The following EYS variants were observed in gnomAD, a reference collection of about 807,000 sequenced individuals.
EYS encodes protein eyes shut homolog.
EYS carries 250 observed loss-of-function variants against 282.1 expected under a neutral mutation model. The observed-to-expected ratio is 0.89, with a 90% CI of 0.80 to 0.98. EYS has a LOEUF of 0.98. Ranked by LOEUF, EYS falls within the 50% of genes least tolerant of loss-of-function variation. The pLI is 0.00. For synonymous variants in EYS, 1,355 were observed against 1,282.9 expected, an observed-to-expected ratio of 1.06 and a Z score of -1.20; for missense variants, 4,016 against 3,709.0, an observed-to-expected ratio of 1.08 and a Z score of -2.15.
chr6:65,694,799 G>T (rs1035786117), intron 1 of EYS, among the ~76,000 whole-genome samples: 3 of 150,536 alleles, frequency 2.0e-5, no homozygotes, highest in African/African-American at 7.3e-5. Flanking sequence ...TCCATAGTTT[G>T]CTCTGCTATG....
At chr6:63,811,014 C>T (rs1195072128) in intron 36 of EYS, among the ~76,000 whole-genome samples, 2 of 152,182 alleles carry the variant, frequency 1.3e-5, no homozygotes, top group Non-Finnish European at 2.9e-5. Flanking sequence ...ATTTCATCCA[C>T]CCCTTCTCAT....
intron 35 of EYS, among the ~76,000 whole-genome samples, chr6:63,890,861 A>C (rs1413284224): frequency 6.6e-6 from 1 of 152,182 alleles, no homozygotes; most frequent in Non-Finnish European, 1.5e-5. Flanking sequence ...TAAGAACAAG[A>C]GAGAGAAGAA....
At chr6:64,303,608 C>T (rs527609825) in intron 30 of EYS, among the ~76,000 whole-genome samples, 26 of 151,798 alleles carry the variant, frequency 1.7e-4, no homozygotes, top group Non-Finnish European at 2.4e-4. Flanking sequence ...TTTGGGAGGC[C>T]GAGACGGGCG....
At chr6:64,690,349 G>A (rs1028445463) in intron 22 of EYS, among the ~76,000 whole-genome samples, 3 of 152,148 alleles carry the variant, frequency 2.0e-5, no homozygotes, top group Non-Finnish European at 2.9e-5. Flanking sequence ...AGAGGATGTC[G>A]AGAAATTGGA....
intron 26 of EYS, among the ~76,000 whole-genome samples, chr6:64,476,038 C>T (rs1173005054): frequency 6.6e-6 from 1 of 152,110 alleles, no homozygotes; most frequent in Non-Finnish European, 1.5e-5. Flanking sequence ...CGATCTTCCT[C>T]CCTTGGCCTC....
intron 2 of EYS, among the ~76,000 whole-genome samples, chr6:65,522,746 C>G (rs1447652300): frequency 1.3e-5 from 2 of 151,870 alleles, no homozygotes; most frequent in Admixed American, 6.6e-5. Flanking sequence ...TTGATCTTCC[C>G]TTATATTCTC....
chr6:65,334,824 TATA>T, intron 11 of EYS, 153 bp downstream of exon 11: 1 of 618,896 alleles, frequency 1.6e-6, no homozygotes, highest in Non-Finnish European at 2.8e-6. Flanking sequence ...TAACATAATA[TATA>T]ATAACTATAT....
chr6:64,590,167 C>T, intron 26 of EYS, 56 bp downstream of exon 26: 1 of 1,416,328 alleles, frequency 7.1e-7, no homozygotes, highest in East Asian at 2.5e-5. Flanking sequence ...TCTTTCTTCT[C>T]TGTAGAAAAG....
In EYS at chr6:64,997,687, G is replaced by A; in HGVS notation, c.2154C>T (p.Ser718=). The change falls in exon 14 of 43, where the codon TCC becomes TCT. Residue 718 remains serine (S), a synonymous_variant. Coordinates refer to ENST00000503581, the MANE Select transcript of EYS (RefSeq NM_001142800.2). The part of the protein sequence containing the change: ...VPPFKVVDGF[S]CLCNPGYVGI... ...CAACATAGCCTGGATTGCATAAGCA[G>A]GAAAAGCCATCAACCACTGGAAACA... The A allele has an allele frequency of 6.4e-7, 1 of 1,550,788 alleles. No individual in the cohort carries two copies. Among genetic ancestry groups the A allele is most frequent in the Admixed American group, 2.0e-5 (1 of 50,972 alleles).
intron 9 of EYS, among the ~76,000 whole-genome samples, chr6:65,350,807 T>A (rs1770569933): frequency 6.6e-6 from 1 of 151,832 alleles, no homozygotes. Context: ...GGGCTTCTTC[T>A]AATTAATCAC....
chr6:65,159,113 AAAAC>A (rs1161811539), intron 12 of EYS, among the ~76,000 whole-genome samples: 1 of 150,920 alleles, frequency 6.6e-6, no homozygotes, highest in East Asian at 2.0e-4. Context: ...AAATCTGTCT[AAAAC>A]AACACATAAT....
intron 31 of EYS, among the ~76,000 whole-genome samples, chr6:64,162,530 C>T (rs1054911670): frequency 1.3e-5 from 2 of 152,036 alleles, no homozygotes; most frequent in Non-Finnish European, 2.9e-5. Context: ...TGGCATTATC[C>T]CTCTGCTAAA....
chr6:65,152,048 C>A (rs1272125262), intron 12 of EYS, among the ~76,000 whole-genome samples: 2 of 151,880 alleles, frequency 1.3e-5, no homozygotes, highest in Non-Finnish European at 2.9e-5. Flanking sequence ...ACTTGTATTA[C>A]TAATAGCAAA....
At chr6:64,322,088 T>C (rs77767306) in intron 29 of EYS, among the ~76,000 whole-genome samples, 4,732 of 152,082 alleles carry the variant, frequency 0.031, 234 homozygotes, top group African/African-American at 0.11. Flanking sequence ...AACTATTTAC[T>C]AAGCACATAC....
At chr6:64,126,866 C>T (rs944325370) in intron 31 of EYS, among the ~76,000 whole-genome samples, 13 of 151,686 alleles carry the variant, frequency 8.6e-5, no homozygotes, top group Non-Finnish European at 1.9e-4. Context: ...TATATACATA[C>T]ATATATGTAT....
At chr6:64,444,230 C>T (rs1775048016) in intron 26 of EYS, among the ~76,000 whole-genome samples, 2 of 152,130 alleles carry the variant, frequency 1.3e-5, no homozygotes, top group Non-Finnish European at 2.9e-5. Flanking sequence ...TGTAAAAAGG[C>T]TGCATTGACA....
intron 28 of EYS, among the ~76,000 whole-genome samples, chr6:64,420,607 G>A (rs542430595): frequency 1.3e-5 from 2 of 152,160 alleles, no homozygotes; most frequent in East Asian, 1.9e-4. Context: ...GGCATCAAAG[G>A]CTGCATCATC....
rs553085045 is a variant in EYS at position 65,326,081 on chromosome 6, T to A, written c.1766+8899A>T. On this transcript the variant is annotated intron_variant, in intron 11 of 42. Transcript: ENST00000503581. Reference sequence around the variant, plus strand: ...CTACATTGGCTATATTTAACAGGAGTACCTATAAAATATCATTTTGTCTAA... The same window carrying A: ...CTACATTGGCTATATTTAACAGGAGAACCTATAAAATATCATTTTGTCTAA... 1.2e-4 allele frequency among the ~76,000 whole-genome samples: 19 copies of A among 152,188 alleles called. No homozygotes were observed. The East Asian group carries it at 3.5e-3, about 28-fold the overall frequency.
At chr6:65,193,274 A>G (rs1006430324) in intron 12 of EYS, among the ~76,000 whole-genome samples, 1 of 151,924 alleles carries the variant, frequency 6.6e-6, no homozygotes, top group Non-Finnish European at 1.5e-5. Context: ...AGTGCTAGTA[A>G]TTAACCTATT....
Sources: gnomAD v4.1 joint callset for allele counts (sites outside exome capture counted in the v4.1 genomes callset) on GRCh38, gnomAD v4.1.1 for gene constraint, MANE v1.5 for transcripts, NCBI Gene and HGNC (gene_info 2026-07-23, HGNC 2026-07-21) for gene names.